FIG4: variants seen among roughly 807,000 people sequenced by gnomAD.
FIG4 encodes the protein polyphosphoinositide phosphatase.
In FIG4, 112 loss-of-function variants were observed where a neutral mutation model predicts 118.6. That is an observed-to-expected ratio of 0.94 (90% CI 0.81 to 1.11). The LOEUF (loss-of-function observed/expected upper bound fraction) is 1.11. Among genes scored for constraint, FIG4 ranks in the 50% least tolerant of loss-of-function variants. The pLI is 0.00. For missense variants in FIG4, 969 were observed against 1,111.7 expected (o/e 0.87, Z 1.83); for synonymous variants, 369 against 381.2 (o/e 0.97, Z 0.37).
chr6:109,733,978 A>G (rs1339716758), intron 5 of FIG4, among the ~76,000 whole-genome samples: 2 of 152,000 alleles, frequency 1.3e-5, no homozygotes, highest in Non-Finnish European at 2.9e-5. Context: ...ACTCTCTAGA[A>G]AAAAGGAATT....
chr6:109,753,323 C>A (rs911529367), intron 10 of FIG4, among the ~76,000 whole-genome samples: 75 of 152,054 alleles, frequency 4.9e-4, no homozygotes, highest in Admixed American at 1.9e-3. Context: ...GGTACCAGTA[C>A]CATGCTGTTT....
At chr6:109,759,027 G>T (rs996131690) in intron 10 of FIG4, among the ~76,000 whole-genome samples, 1 of 152,194 alleles carries the variant, frequency 6.6e-6, no homozygotes, top group Non-Finnish European at 1.5e-5. Flanking sequence ...AACCATTGTG[G>T]AAGACAGTGT....
At chr6:109,724,834 CAT>C (rs147633842) in intron 3 of FIG4, among the ~76,000 whole-genome samples, 71 of 138,742 alleles carry the variant, frequency 5.1e-4, no homozygotes, top group African/African-American at 1.3e-3. Context: ...TGTGTGTGTA[CAT>C]ATATATATAT....
Position 109,753,249 on chromosome 6 carries a change from C to T in FIG4, c.1138-7001C>T, listed in dbSNP as rs1048466915. The stretch of plus-strand genomic sequence containing the variant: ...TCGGGCGTGTTCAGGGTGGTATGGC[C>T]GTAGACGATGCGGTGTTATTTCTGA... On this transcript the variant is annotated intron_variant, in intron 10 of 22. Transcript: ENST00000230124. Among the ~76,000 whole-genome samples, 58 of 152,128 alleles carry T rather than the reference C, an allele frequency of 3.8e-4. 1 individual carries two copies. The highest frequency in any genetic ancestry group is 1.2e-3 in the African/African-American group (50 of 41,496).
intron 18 of FIG4, among the ~76,000 whole-genome samples, chr6:109,788,965 T>G (rs931245135): frequency 6.6e-6 from 1 of 152,210 alleles, no homozygotes; most frequent in Non-Finnish European, 1.5e-5. Context: ...CAGTAAGTGG[T>G]AAATTAAAAG....
chr6:109,771,588 C>G (rs1777464204), intron 15 of FIG4, among the ~76,000 whole-genome samples: 1 of 151,146 alleles, frequency 6.6e-6, no homozygotes, highest in Non-Finnish European at 1.5e-5. Context: ...CCTGCCTCAG[C>G]CTCCCGAGTA....
chr6:109,795,593 TC>T lies in FIG4; in HGVS notation c.2460-1170del, dbSNP rs1281057891. ...AGGAAATCTGTTCTTTTGGTTTCAG[TC>T]CTTTTTTTTTTTTTTTTTTTTTTTT... On this transcript the variant is annotated intron_variant, in intron 21 of 22. Coordinates refer to ENST00000230124, the MANE Select transcript of FIG4 (RefSeq NM_014845.6). Among the ~76,000 whole-genome samples the T allele has an allele frequency of 1.7e-3, 196 of 113,434 alleles. 2 individuals carry two copies. Among genetic ancestry groups the T allele is most frequent in the Middle Eastern group, 0.013 (3 of 240 alleles). 74.4% of individuals were successfully genotyped at this position (113,434 alleles called of 152,430 possible). A position where few individuals can be genotyped will look rare whatever the true frequency, so the allele number is the denominator to read the frequency against.
intron 16 of FIG4, among the ~76,000 whole-genome samples, chr6:109,781,038 C>G (rs1329529266): frequency 6.6e-6 from 1 of 152,156 alleles, no homozygotes; most frequent in East Asian, 1.9e-4. Context: ...TGGCCTGCCC[C>G]CTGTCTGATA....
At chr6:109,787,730 G>C (rs1201779889) in intron 18 of FIG4, among the ~76,000 whole-genome samples, 1 of 152,124 alleles carries the variant, frequency 6.6e-6, no homozygotes, top group Non-Finnish European at 1.5e-5. Flanking sequence ...TGGTAGCTGT[G>C]TTCTATAAAG....
At chr6:109,735,387 G>C in intron 6 of FIG4, 89 bp downstream of exon 6, 1 of 1,271,958 alleles carries the variant, frequency 7.9e-7, no homozygotes, top group South Asian at 1.2e-5. Flanking sequence ...CCTCATATTT[G>C]TCCATCCCTC....
At chr6:109,766,478 T>G (rs1471439833) in intron 14 of FIG4, among the ~76,000 whole-genome samples, 1 of 152,246 alleles carries the variant, frequency 6.6e-6, no homozygotes, top group Non-Finnish European at 1.5e-5. Context: ...AGAAACAACC[T>G]GGTCTGGCTT....
At position 109,762,208 on chromosome 6, in the gene FIG4, G is replaced by T. The variant is rs754338522; in HGVS notation, c.1388+1G>T. 6.6e-7 allele frequency: 1 copy of T among 1,513,780 alleles called. No individual in the cohort carries two copies. Among genetic ancestry groups the T allele is most frequent in the South Asian group, 1.1e-5 (1 of 89,092 alleles). The allele number at this position is 1,513,780 out of a possible 1,614,324, so 93.8% of individuals were successfully genotyped here. On this transcript the variant is annotated splice_donor_variant, in intron 12 of 22. Transcript: ENST00000230124. LOFTEE classifies it high-confidence loss of function. Reference sequence around the variant, plus strand: ...GTAGCATTTTGCGGCCAGATGAAAAGTATGTATGGTATTTTAAAACTTATA... The same window carrying T: ...GTAGCATTTTGCGGCCAGATGAAAATTATGTATGGTATTTTAAAACTTATA...
At chr6:109,749,745 A>G (rs914168546) in intron 10 of FIG4, among the ~76,000 whole-genome samples, 2 of 152,160 alleles carry the variant, frequency 1.3e-5, no homozygotes, top group Non-Finnish European at 2.9e-5. Context: ...ACTATCATAC[A>G]TGTGATCATA....
At chr6:109,805,172 T>G (rs1310385562) in intron 22 of FIG4, among the ~76,000 whole-genome samples, 1 of 152,234 alleles carries the variant, frequency 6.6e-6, no homozygotes, top group Non-Finnish European at 1.5e-5. Flanking sequence ...TTAGTTGAGT[T>G]ACACATTGTG....
chr6:109,765,068 A>T lies in FIG4; in HGVS notation c.1490A>T (p.Gln497Leu), dbSNP rs748473120. The change falls in exon 14 of 23, where the codon CAG becomes CTG. Residue 497 changes from glutamine (Q) to leucine (L), a missense_variant. Physicochemically the swap from Gln to Leu is moderately radical, Grantham distance 113. Coordinates refer to ENST00000230124, the MANE Select transcript of FIG4 (RefSeq NM_014845.6). ...TGTTTAGATCGCACCAACACAGCAC[A>T]GTTTATGGTGGGAAAATGTGCTCTG... ...VDCLDRTNTA[Q>L]FMVGKCALAY... The T allele has an allele frequency of 1.2e-5, 19 of 1,613,708 alleles. No homozygotes were observed. The highest frequency in any genetic ancestry group is 1.6e-5 in the Non-Finnish European group (19 of 1,179,708).
chr6:109,716,165 A>C lies in FIG4; in HGVS notation c.166-280A>C, dbSNP rs1775424183. Among the ~76,000 whole-genome samples, 3 of 152,316 alleles carry C rather than the reference A, an allele frequency of 2.0e-5. No individual in the cohort carries two copies. The South Asian group carries it at 6.2e-4, about 32-fold the overall frequency. The stretch of plus-strand genomic sequence containing the variant: ...GTTTTAAGGGATTCATGGACTCTTG[A>C]AATTTACCTGTAGATCCCTTAAATC... On this transcript the variant is annotated intron_variant, in intron 2 of 22. Transcript: ENST00000230124.
intron 22 of FIG4, among the ~76,000 whole-genome samples, chr6:109,804,271 A>G (rs1349548955): frequency 6.6e-6 from 1 of 152,122 alleles, no homozygotes; most frequent in Non-Finnish European, 1.5e-5. Flanking sequence ...AGTTTACCAA[A>G]TTATCATCAG....
Position 109,735,902 on chromosome 6 carries a change from A to G in FIG4, c.646+604A>G, listed in dbSNP as rs553720407. 2.6e-5 allele frequency among the ~76,000 whole-genome samples: 4 copies of G among 151,864 alleles called. No individual in the cohort carries two copies. In the South Asian group the frequency reaches 6.2e-4, roughly 24 times the overall value. ...ACTTTGATCGGTCCCAGCTTGACCC[A>G]TCAGTCCTGCATAGGTCTTGCCTCT... is the stretch of plus-strand genomic sequence containing the variant. On this transcript the variant is annotated intron_variant, in intron 6 of 22. Transcript: ENST00000230124.
chr6:109,722,610 TTA>T (rs886396027), intron 3 of FIG4, among the ~76,000 whole-genome samples: 21 of 150,280 alleles, frequency 1.4e-4, no homozygotes, highest in East Asian at 3.9e-4. Context: ...TATAAGATTC[TTA>T]TATATATATA....
Sources: gnomAD v4.1 joint callset for allele counts (sites outside exome capture counted in the v4.1 genomes callset) on GRCh38, gnomAD v4.1.1 for gene constraint, MANE v1.5 for transcripts, NCBI Gene and HGNC (gene_info 2026-07-23, HGNC 2026-07-21) for gene names.